The following GALNT18 variants were observed in gnomAD, a reference collection of about 807,000 sequenced individuals.
GALNT18 encodes GalNAc-transferase 18.
In GALNT18, 44 loss-of-function variants were observed where a neutral mutation model predicts 69.5. That is an observed-to-expected ratio of 0.63 (90% CI 0.50 to 0.81). The LOEUF is 0.81. Ranked by LOEUF, GALNT18 falls within the 40% of genes least tolerant of loss-of-function variation. The pLI, the probability that GALNT18 is intolerant of heterozygous loss-of-function variation, is 0.00. For synonymous variants in GALNT18, 364 were observed against 318.2 expected, an observed-to-expected ratio of 1.14 and a Z score of -1.53; for missense variants, 715 against 810.0, an observed-to-expected ratio of 0.88 and a Z score of 1.42.
In GALNT18 at chr11:11,590,299, T is replaced by C. The variant is rs1156485109; in HGVS notation, c.235+31060A>G. Among the ~76,000 whole-genome samples, 1 of 152,186 alleles carries C rather than the reference T, an allele frequency of 6.6e-6. No homozygotes were observed. The highest frequency in any genetic ancestry group is 1.5e-5 in the Non-Finnish European group (1 of 68,038). ...TGTTCTCTCTCCCCGTATCTGCCGATTGCATGCAAGGGGTCACGCAGAAAG... is the reference window on the plus strand; with the variant it reads ...TGTTCTCTCTCCCCGTATCTGCCGACTGCATGCAAGGGGTCACGCAGAAAG... On this transcript the variant is annotated intron_variant, in intron 1 of 10. Coordinates refer to ENST00000227756, the MANE Select transcript of GALNT18 (RefSeq NM_198516.3). This position sits in a 1 kb window ranked among gnomAD's most constrained non-coding sequence, Gnocchi z 4.4.
intron 1 of GALNT18, among the ~76,000 whole-genome samples, chr11:11,608,812 C>G (rs554262226): frequency 7.2e-5 from 11 of 152,300 alleles, no homozygotes; most frequent in African/African-American, 2.6e-4. Flanking sequence ...AGGCTTCCCT[C>G]TTGAAGGTAA....
At position 11,606,608 on chromosome 11, in the gene GALNT18, G is replaced by A. The variant is rs976325901; in HGVS notation, c.235+14751C>T. ...TAGGAGCTGTTGGACCCGAAGTCAGGCTCTGGTCAGCAGGCCAGGGAGAGG... is the reference window on the plus strand; with the variant it reads ...TAGGAGCTGTTGGACCCGAAGTCAGACTCTGGTCAGCAGGCCAGGGAGAGG... On this transcript the variant is annotated intron_variant, in intron 1 of 10. Coordinates refer to ENST00000227756, the MANE Select transcript of GALNT18 (RefSeq NM_198516.3). The surrounding 1 kb of genome is among the most constrained non-coding windows in gnomAD (Gnocchi z 5.4). Among the ~76,000 whole-genome samples, 2 of 152,170 alleles carry A rather than the reference G, an allele frequency of 1.3e-5. No individual in the cohort carries two copies. Among genetic ancestry groups the A allele is most frequent in the African/African-American group, 2.4e-5 (1 of 41,426 alleles).
intron 1 of GALNT18, among the ~76,000 whole-genome samples, chr11:11,533,917 G>A (rs1857714659): frequency 6.6e-6 from 1 of 152,256 alleles, no homozygotes; most frequent in Non-Finnish European, 1.5e-5. Flanking sequence ...GGCAGATGGA[G>A]TAGGGCTGGG....
intron 6 of GALNT18, among the ~76,000 whole-genome samples, chr11:11,348,381 GAAAA>G (rs71988944): frequency 3.9e-5 from 3 of 77,058 alleles, no homozygotes; most frequent in Non-Finnish European, 5.3e-5. Context: ...TTCGTCTCAG[GAAAA>G]AAAAAAAAAA....
chr11:11,458,736 G>C (rs1855976073), intron 1 of GALNT18, among the ~76,000 whole-genome samples: 1 of 152,244 alleles, frequency 6.6e-6, no homozygotes, highest in Admixed American at 6.5e-5. Context: ...GCTGCCTTCA[G>C]CTTGCCATCT....
Position 11,421,730 on chromosome 11 carries a change from T to TTCTCTGCAGAGTCTCTGCAGAG in GALNT18, c.595+10869_595+10890dup, listed in dbSNP as rs551645891. Among the ~76,000 whole-genome samples the TTCTCTGCAGAGTCTCTGCAGAG allele has an allele frequency of 6.0e-4, 91 of 151,242 alleles. No individual in the cohort carries two copies. Among genetic ancestry groups the TTCTCTGCAGAGTCTCTGCAGAG allele is most frequent in the Middle Eastern group, 3.4e-3 (1 of 294 alleles). On this transcript the variant is annotated intron_variant, in intron 3 of 10. Transcript: ENST00000227756. This position sits in a 1 kb window ranked among gnomAD's most constrained non-coding sequence, Gnocchi z 5.6. ...GCCACCCACTGGGAAGAAACAATAC[T>TTCTCTGCAGAGTCTCTGCAGAG]TCTCTGCAGAGTCTCTGCAGAGTCT...
chr11:11,620,587 G>A lies in GALNT18; in HGVS notation c.235+772C>T, dbSNP rs563792868. Among the ~76,000 whole-genome samples the A allele has an allele frequency of 6.6e-6, 1 of 152,276 alleles. No individual in the cohort carries two copies. Among genetic ancestry groups the A allele is most frequent in the East Asian group, 1.9e-4 (1 of 5,146 alleles). On this transcript the variant is annotated intron_variant, in intron 1 of 10. Coordinates refer to ENST00000227756, the MANE Select transcript of GALNT18 (RefSeq NM_198516.3). The surrounding 1 kb of genome is among the most constrained non-coding windows in gnomAD (Gnocchi z 6.9). ...CTACAGTAGGGATCGGCCTTCACCC[G>A]GTCCCGGGCGGCTCCGCGGGGAAGG... is the stretch of plus-strand genomic sequence containing the variant.
intron 9 of GALNT18, among the ~76,000 whole-genome samples, chr11:11,312,137 T>C (rs1849683062): frequency 1.3e-5 from 2 of 152,172 alleles, no homozygotes; most frequent in African/African-American, 4.8e-5. Flanking sequence ...TTTGTATTTT[T>C]AGTAGAGACG....
chr11:11,453,287 G>T (rs939277885), intron 1 of GALNT18, among the ~76,000 whole-genome samples: 1 of 152,022 alleles, frequency 6.6e-6, no homozygotes, highest in Non-Finnish European at 1.5e-5. Context: ...AGGGCCTTCC[G>T]CCACCTTCTT....
intron 1 of GALNT18, among the ~76,000 whole-genome samples, chr11:11,611,052 T>C (rs1372205934): frequency 6.6e-6 from 1 of 152,194 alleles, no homozygotes; most frequent in Non-Finnish European, 1.5e-5. Context: ...TCAAAAAGGA[T>C]CTTCCACTTG....
chr11:11,548,887 T>C (rs530937103), intron 1 of GALNT18, among the ~76,000 whole-genome samples: 134 of 152,342 alleles, frequency 8.8e-4, no homozygotes, highest in African/African-American at 3.1e-3. Context: ...AGATGCTTCA[T>C]CTACACTTTC....
chr11:11,469,284 T>C lies in GALNT18; in HGVS notation c.236-20348A>G, dbSNP rs1856221768. On this transcript the variant is annotated intron_variant, in intron 1 of 10. Transcript: ENST00000227756. The surrounding 1 kb of genome is among the most constrained non-coding windows in gnomAD (Gnocchi z 4.2). ...TGGTACCAGACTGTTCCCAGGGACT[T>C]CACAGAGGGAGCAGATGAAAGGCAT... is the stretch of plus-strand genomic sequence containing the variant. Among the ~76,000 whole-genome samples, 1 of 152,168 alleles carries C rather than the reference T, an allele frequency of 6.6e-6. No homozygotes were observed. Among genetic ancestry groups the C allele is most frequent in the East Asian group, 1.9e-4 (1 of 5,194 alleles).
rs138043623 is a variant in GALNT18, at chr11:11,574,074, C to T, written c.235+47285G>A. On this transcript the variant is annotated intron_variant, in intron 1 of 10. Transcript: ENST00000227756. ...CATCTTTCAACAATCAGAGGACAAT[C>T]TAGGCAAGTCAATTATTGTAGGTAT... Among the ~76,000 whole-genome samples, 272 of 152,264 alleles carry T rather than the reference C, an allele frequency of 1.8e-3. 1 individual carries two copies. Among genetic ancestry groups the T allele is most frequent in the Admixed American group, 2.9e-3 (44 of 15,304 alleles).
Position 11,585,361 on chromosome 11 carries a change from T to TC in GALNT18, c.235+35997_235+35998insG, listed in dbSNP as rs201693738. Among the ~76,000 whole-genome samples the TC allele has an allele frequency of 7.5e-3, 1,135 of 152,030 alleles. 19 individuals carry two copies. Among genetic ancestry groups the TC allele is most frequent in the African/African-American group, 0.026 (1,074 of 41,438 alleles). ...ATATCTGTGAAGAAAAATCTTTTTT[T>TC]TTTTTTTTTCCGAGATGGAGTTTTG... On this transcript the variant is annotated intron_variant, in intron 1 of 10. Transcript: ENST00000227756.
rs1302373569 is a variant in GALNT18 at position 11,582,698 on chromosome 11, A to G, written c.235+38661T>C. ...AAAGCCTTTGTGATGTTGCTCCAGC[A>G]TAACCCAGTGGAAACTAACCAACAC... is the stretch of plus-strand genomic sequence containing the variant. On this transcript the variant is annotated intron_variant, in intron 1 of 10. Transcript: ENST00000227756. This position sits in a 1 kb window ranked among gnomAD's most constrained non-coding sequence, Gnocchi z 5.0. Among the ~76,000 whole-genome samples the G allele has an allele frequency of 2.0e-5, 3 of 152,274 alleles. No individual in the cohort carries two copies. The highest frequency in any genetic ancestry group is 7.2e-5 in the African/African-American group (3 of 41,474).
At chr11:11,510,847 C>T (rs867813827) in intron 1 of GALNT18, among the ~76,000 whole-genome samples, 2 of 152,326 alleles carry the variant, frequency 1.3e-5, no homozygotes, top group Middle Eastern at 3.4e-3. Flanking sequence ...TGATAGTGGA[C>T]AGTCCCAGAG....
At chr11:11,440,366 G>A (rs1324911326) in intron 2 of GALNT18, among the ~76,000 whole-genome samples, 1 of 152,188 alleles carries the variant, frequency 6.6e-6, no homozygotes, top group Non-Finnish European at 1.5e-5. Flanking sequence ...AGCCACGTTA[G>A]GGACACTCTG....
chr11:11,389,143 T>A lies in GALNT18; in HGVS notation c.596-9879A>T, dbSNP rs527506190. The stretch of plus-strand genomic sequence containing the variant: ...AACGGCAAATGGGAAAAATCAAGGA[T>A]GAGAGACTTTAAAGAACATATTCCA... On this transcript the variant is annotated intron_variant, in intron 3 of 10. Transcript: ENST00000227756. The surrounding 1 kb of genome is among the most constrained non-coding windows in gnomAD (Gnocchi z 4.3). Among the ~76,000 whole-genome samples the A allele has an allele frequency of 2.0e-5, 3 of 152,150 alleles. No individual in the cohort carries two copies. Among genetic ancestry groups the A allele is most frequent in the African/African-American group, 7.2e-5 (3 of 41,426 alleles).
intron 1 of GALNT18, among the ~76,000 whole-genome samples, chr11:11,484,760 AT>A (rs1330560524): frequency 6.6e-6 from 1 of 152,172 alleles, no homozygotes; most frequent in African/African-American, 2.4e-5. Context: ...AACCCAAGTT[AT>A]GGGGGGACCT....
Sources: gnomAD v4.1 joint callset for allele counts (sites outside exome capture counted in the v4.1 genomes callset) on GRCh38, gnomAD v4.1.1 for gene constraint, Gnocchi (gnomAD v3.1) non-coding constraint, MANE v1.5 for transcripts, NCBI Gene and HGNC (gene_info 2026-07-23, HGNC 2026-07-21) for gene names.